The following MKX variants were observed in gnomAD, a reference collection of about 807,000 sequenced individuals.
MKX encodes the protein mohawk homeobox, also known as homeobox protein Mohawk.
MKX carries 13 observed loss-of-function variants against 36.0 expected under a neutral mutation model. That is an observed-to-expected ratio of 0.36 (90% CI 0.24 to 0.57). MKX has a LOEUF of 0.57. MKX is among the 20% of genes least tolerant of loss of function. The pLI is 0.79. For missense variants in MKX, 458 were observed against 456.4 expected (o/e 1.00, Z -0.03); for synonymous variants, 176 against 178.3 (o/e 0.99, Z 0.10).
chr10:27,705,251 A>G (rs547345110), intron 5 of MKX, among the ~76,000 whole-genome samples: 109 of 6,320 alleles, frequency 0.017, no homozygotes, highest in Middle Eastern at 0.17. Context: ...ACACAGCTGT[A>G]AAAAAAAGAA....
At chr10:27,743,142 C>T in intron 2 of MKX, 86 bp downstream of exon 2, 1 of 1,291,002 alleles carries the variant, frequency 7.7e-7, no homozygotes. Context: ...TCCACCCGCC[C>T]GCGTTGCCAC....
rs1836119496 is a variant in MKX, at chr10:27,675,080, A to G, written c.*149T>C. ...GTTTTTTATAATTTATATGTCTTTT[A>G]TAGAAGCAACTAAATGATATATTTG... is the stretch of plus-strand genomic sequence containing the variant. On this transcript the variant is annotated 3_prime_UTR_variant, in exon 7 of 7. Transcript: ENST00000419761. The G allele has an allele frequency of 1.6e-6, 1 of 625,056 alleles. No individual in the cohort carries two copies. Among genetic ancestry groups the G allele is most frequent in the South Asian group, 3.1e-5 (1 of 32,564 alleles). The allele number at this position is 625,056 out of a possible 1,614,324, so 38.7% of individuals were successfully genotyped here.
Position 27,737,319 on chromosome 10 carries a change from C to G in MKX, c.349-1945G>C, listed in dbSNP as rs117354509. 7.7e-3 allele frequency among the ~76,000 whole-genome samples: 1,168 copies of G among 152,220 alleles called. 16 individuals are homozygous for G. Among genetic ancestry groups the G allele is most frequent in the Non-Finnish European group, 0.012 (800 of 67,986 alleles). ...TTCTGTTCTCTTAAATGGATCTTAG[C>G]AAGTATCATCAAATTCAAGAATTGA... On this transcript the variant is annotated intron_variant, in intron 3 of 6. Coordinates refer to ENST00000419761, the MANE Select transcript of MKX (RefSeq NM_173576.3).
intron 5 of MKX, among the ~76,000 whole-genome samples, chr10:27,713,691 A>G (rs1035341787): frequency 6.6e-6 from 1 of 152,186 alleles, no homozygotes; most frequent in Non-Finnish European, 1.5e-5. Flanking sequence ...TACTTTCTAC[A>G]GTACACAGTG....
intron 5 of MKX, among the ~76,000 whole-genome samples, chr10:27,677,803 T>C (rs1836181765): frequency 6.6e-6 from 1 of 152,216 alleles, no homozygotes; most frequent in African/African-American, 2.4e-5. Flanking sequence ...TGGTCTCCTT[T>C]CACTGACTAC....
intron 5 of MKX, among the ~76,000 whole-genome samples, chr10:27,719,330 A>G (rs1382644144): frequency 2.0e-5 from 3 of 152,166 alleles, no homozygotes; most frequent in Non-Finnish European, 4.4e-5. Flanking sequence ...CCAAGTGCAC[A>G]GTTCACAAAG....
At chr10:27,722,818 A>C (rs1301020320) in intron 5 of MKX, among the ~76,000 whole-genome samples, 4 of 152,146 alleles carry the variant, frequency 2.6e-5, no homozygotes, top group Non-Finnish European at 5.9e-5. Context: ...CATTTTAATG[A>C]AAGCATCTGA....
rs1220555005 is a variant in MKX, at chr10:27,707,486, G to T, written c.838+26970C>A. 3.3e-5 allele frequency among the ~76,000 whole-genome samples: 5 copies of T among 152,180 alleles called. No homozygotes were observed. The South Asian group carries it at 1.0e-3, about 32-fold the overall frequency. On this transcript the variant is annotated intron_variant, in intron 5 of 6. Transcript: ENST00000419761. ...ATAGTGGGTGTGGGTATCTCTTAAA[G>T]AAATCAGGTCTGTAATGCCCAAGGT...
chr10:27,682,747 G>A (rs1169177654), intron 5 of MKX, among the ~76,000 whole-genome samples: 4 of 152,004 alleles, frequency 2.6e-5, no homozygotes, highest in Admixed American at 6.5e-5. Flanking sequence ...TTGGGAGGCC[G>A]AGGCGGGTGG....
At chr10:27,716,363 C>T (rs985960908) in intron 5 of MKX, among the ~76,000 whole-genome samples, 1 of 145,532 alleles carries the variant, frequency 6.9e-6, no homozygotes, top group Non-Finnish European at 1.5e-5. Context: ...GATGAGGCTG[C>T]AGTCAGTCAT....
In MKX at chr10:27,719,911, C is replaced by T. The variant is rs117666611; in HGVS notation, c.838+14545G>A. ...GCCCAAGGTAGGAGGATTGTTTGAG[C>T]CCAGGAGTTTGAGGCTGATGTGAGC... On this transcript the variant is annotated intron_variant, in intron 5 of 6. Coordinates refer to ENST00000419761, the MANE Select transcript of MKX (RefSeq NM_173576.3). 4.2e-3 allele frequency among the ~76,000 whole-genome samples: 630 copies of T among 151,036 alleles called. 8 individuals are homozygous for T. Among genetic ancestry groups the T allele is most frequent in the South Asian group, 6.9e-3 (33 of 4,764 alleles).
chr10:27,728,837 A>G (rs1020076055), intron 5 of MKX, among the ~76,000 whole-genome samples: 2 of 152,184 alleles, frequency 1.3e-5, no homozygotes, highest in Admixed American at 1.3e-4. Context: ...GAGCCAAGAA[A>G]AATGGTTTGG....
intron 5 of MKX, among the ~76,000 whole-genome samples, chr10:27,688,874 A>G (rs1312424873): frequency 2.0e-5 from 3 of 152,208 alleles, no homozygotes; most frequent in African/African-American, 7.2e-5. Flanking sequence ...TGACTTGTTT[A>G]ATAAATATAC....
rs147020374 is a variant in MKX, at chr10:27,675,552, T to A, written c.841A>T (p.Thr281Ser). 3.1e-4 allele frequency: 496 copies of A among 1,613,732 alleles called. 2 individuals are homozygous for A. In the African/African-American group the frequency reaches 5.9e-3, roughly 19 times the overall value. The change falls in exon 6 of 7, where the codon ACT becomes TCT. Residue 281 changes from threonine (T) to serine (S), a missense_variant and splice_region_variant. This residue lies in a region of MKX where 297 missense variants were observed against 304.4 expected (regional missense o/e 0.98). Transcript: ENST00000419761. ...TEGNFVYRTD[T>S]LENGSNKGES... is the part of the protein sequence containing the mutation. ...CCCTTATTGGATCCGTTTTCCAGAG[T>A]GTCTGTAAAGAAAAGCAAAAATTCA... is the stretch of plus-strand genomic sequence containing the variant.
chr10:27,698,416 C>T (rs1042923799), intron 5 of MKX, among the ~76,000 whole-genome samples: 1 of 151,968 alleles, frequency 6.6e-6, no homozygotes, highest in East Asian at 1.9e-4. Flanking sequence ...TGCGAGGAGT[C>T]CTGGGGATTA....
intron 1 of MKX, 90 bp from the exon 2 acceptor site, chr10:27,743,587 G>T (rs1834971970): frequency 1.4e-6 from 1 of 708,024 alleles, no homozygotes. Context: ...CGGGTCGCCG[G>T]GCTGCGGAGC....
chr10:27,682,360 T>A (rs566510011), intron 5 of MKX, among the ~76,000 whole-genome samples: 1 of 152,128 alleles, frequency 6.6e-6, no homozygotes, highest in East Asian at 1.9e-4. Flanking sequence ...AAGAAAAAAA[T>A]TTTAAAATAA....
In MKX at chr10:27,734,579, T is replaced by C. The variant is rs758337934; in HGVS notation, c.715A>G (p.Thr239Ala). Residue 239 changes from threonine to alanine, a missense_variant, in exon 5 of 7, where the codon ACT (threonine) becomes GCT (alanine). By Grantham distance (58) the Thr-to-Ala change is moderately conservative. This residue lies in a region of MKX where 297 missense variants were observed against 304.4 expected (regional missense o/e 0.98). Transcript: ENST00000419761. ...DSLRHVMATNTTMMGKTRQRN... is the reference protein window; with the variant it reads ...DSLRHVMATNATMMGKTRQRN... ...TGCCTTGTTTTTCCCATCATGGTAG[T>C]GTTCGTGGCCATGACATGTCTCAAA... is the stretch of plus-strand genomic sequence containing the variant. The C allele has an allele frequency of 1.9e-5, 31 of 1,614,074 alleles. No homozygotes were observed. Among genetic ancestry groups the C allele is most frequent in the Non-Finnish European group, 2.5e-5 (30 of 1,180,038 alleles).
At position 27,735,248 on chromosome 10, in the gene MKX, C is replaced by T. The variant is rs34806745; in HGVS notation, c.475G>A (p.Val159Ile). 16,323 of 1,609,526 alleles carry T rather than the reference C, an allele frequency of 0.01. 127 individuals are homozygous for T. Among genetic ancestry groups the T allele is most frequent in the Non-Finnish European group, 0.012 (14,592 of 1,178,220 alleles). The change falls in exon 4 of 7, where the codon GTA (valine) becomes ATA (isoleucine). Residue 159 changes from valine (V) to isoleucine (I), a missense_variant. Physicochemically the swap from Val to Ile is conservative, Grantham distance 29. Coordinates refer to ENST00000419761, the MANE Select transcript of MKX (RefSeq NM_173576.3). ...YVQGNAERLSVSSDDSCSEDG... is the reference protein window; with the variant it reads ...YVQGNAERLSISSDDSCSEDG... ...TCAGAACATGAGTCATCACTGCTTA[C>T]GCTAAGCCGTTCAGCATTGCCTTGA...
Sources: gnomAD v4.1 joint callset for allele counts (sites outside exome capture counted in the v4.1 genomes callset) on GRCh38, gnomAD v4.1.1 for gene constraint, gnomAD v4.1.1 regional missense constraint, MANE v1.5 for transcripts, NCBI Gene and HGNC (gene_info 2026-07-23, HGNC 2026-07-21) for gene names.